ACACB: variants seen among roughly 807,000 people sequenced by gnomAD.
ACACB encodes the protein acetyl-CoA carboxylase beta.
Under a neutral mutation model 278.8 loss-of-function variants are expected in ACACB, and 209 were observed. The ratio of observed to expected loss-of-function variants is 0.75; its 90% CI spans 0.67 to 0.84. The LOEUF is 0.84. ACACB is among the 40% of genes least tolerant of loss of function. The pLI is 0.00. For synonymous variants in ACACB, 1,174 were observed against 1,285.6 expected, an observed-to-expected ratio of 0.91 and a Z score of 1.86; for missense variants, 2,850 against 3,269.0, an observed-to-expected ratio of 0.87 and a Z score of 3.13.
At chr12:109,252,395 T>C (rs1361777300) in intron 42 of ACACB, 4 of 361,274 alleles carry the variant, frequency 1.1e-5, no homozygotes, top group Non-Finnish European at 2.0e-5. Context: ...AAACAAATTA[T>C]TGAAGTGCCA....
At chr12:109,150,676 GC>G (rs1301350920) in intron 2 of ACACB, among the ~76,000 whole-genome samples, 1 of 152,130 alleles carries the variant, frequency 6.6e-6, no homozygotes, top group African/African-American at 2.4e-5. Flanking sequence ...ACCTGGCATC[GC>G]CCCCACTTTC....
intron 21 of ACACB, among the ~76,000 whole-genome samples, chr12:109,210,443 A>C (rs1041686987): frequency 2.5e-5 from 3 of 119,690 alleles, no homozygotes; most frequent in Non-Finnish European, 5.1e-5. Flanking sequence ...ACGCACATAC[A>C]TGTGTATATA....
chr12:109,249,034 A>G (rs1014919202), intron 40 of ACACB: 2 of 152,224 alleles, frequency 1.3e-5, no homozygotes, highest in Non-Finnish European at 2.9e-5. Context: ...ATAAACCAAA[A>G]AGTATCTGAG....
chr12:109,198,576 G>A (rs1373162603), intron 17 of ACACB, among the ~76,000 whole-genome samples: 1 of 152,016 alleles, frequency 6.6e-6, no homozygotes, highest in Non-Finnish European at 1.5e-5. Context: ...TGTGCCTGTA[G>A]TCCCAGCAAT....
At chr12:109,215,278 G>GT (rs530444723) in intron 22 of ACACB, among the ~76,000 whole-genome samples, 261 of 146,830 alleles carry the variant, frequency 1.8e-3, no homozygotes, top group East Asian at 3.7e-3. Flanking sequence ...AATCTATGAA[G>GT]TTTTTTTTTT....
At chr12:109,157,421 G>A (rs1394095314) in intron 2 of ACACB, among the ~76,000 whole-genome samples, 13 of 152,096 alleles carry the variant, frequency 8.5e-5, no homozygotes, top group Admixed American at 5.2e-4. Context: ...ACAGGCATGC[G>A]CCACCACACC....
rs2045161390 is a variant in ACACB at position 109,197,090 on chromosome 12, G to A, written c.2564G>A (p.Gly855Glu). 1 of 1,601,452 alleles carries A rather than the reference G, an allele frequency of 6.2e-7. No homozygotes were observed. Among genetic ancestry groups the A allele is most frequent in the African/African-American group, 1.4e-5 (1 of 74,044 alleles). The change falls in exon 17 of 53, where the codon GGG (glycine) becomes GAG (glutamate). Residue 855 changes from glycine (G) to glutamate (E), a missense_variant. Gly to Glu is a moderately conservative substitution (Grantham distance 98). Around this residue, in one of 3 missense-constraint regions of ACACB, gnomAD observed 2,265 missense variants for 2,561.3 expected, o/e 0.88. Coordinates refer to ENST00000338432, the MANE Select transcript of ACACB (RefSeq NM_001093.4). ...ATTGATGCCCACCGGCTGAATGATG[G>A]GGGGCTCCTGCTCTCCTACAATGGG... is the stretch of plus-strand genomic sequence containing the variant. The part of the protein sequence containing the change: ...IEIDAHRLND[G>E]GLLLSYNGNS...
chr12:109,176,023 G>A lies in ACACB; in HGVS notation c.1309G>A (p.Val437Ile), dbSNP rs201786970. 8 of 1,614,200 alleles carry A rather than the reference G, an allele frequency of 5.0e-6. No individual in the cohort carries two copies. The highest frequency in any genetic ancestry group is 2.7e-5 in the African/African-American group (2 of 75,058). ...DVYDKGCVKD[V>I]DEGLEAAERI... Reference sequence around the variant, plus strand: ...TTATGACAAGGGTTGCGTGAAAGACGTAGATGAGGGCTTGGAGGTAAATGC... The same window carrying A: ...TTATGACAAGGGTTGCGTGAAAGACATAGATGAGGGCTTGGAGGTAAATGC... Residue 437 changes from valine to isoleucine, a missense_variant, in exon 8 of 53, where the codon GTA (valine) becomes ATA (isoleucine). Physicochemically the swap from Val to Ile is conservative, Grantham distance 29. This residue lies in a region of ACACB where 2,265 missense variants were observed against 2,561.3 expected (regional missense o/e 0.88). Coordinates refer to ENST00000338432, the MANE Select transcript of ACACB (RefSeq NM_001093.4).
At chr12:109,195,506 C>A (rs1222938168) in intron 16 of ACACB, among the ~76,000 whole-genome samples, 1 of 152,076 alleles carries the variant, frequency 6.6e-6, no homozygotes, top group Admixed American at 6.5e-5. Context: ...CACATATGCA[C>A]AATGTAGAAA....
In ACACB at chr12:109,139,970, C is replaced by G; in HGVS notation, c.565C>G (p.Arg189Gly). The G allele has an allele frequency of 6.2e-7, 1 of 1,613,934 alleles. No homozygotes were observed. Among genetic ancestry groups the G allele is most frequent in the Non-Finnish European group, 8.5e-7 (1 of 1,180,038 alleles). ...TGCTGGCTCATCTCGTGAGTCTACC[C>G]GGAAGGGCAGCCGGGCCAGCTTGGG... Reference protein sequence around the residue: ...SVAGSSRESTRKGSRASLGAL... With the variant: ...SVAGSSRESTGKGSRASLGAL... Residue 189 changes from arginine to glycine, a missense_variant, in exon 2 of 53, where the codon CGG (arginine) becomes GGG (glycine). Physicochemically the swap from Arg to Gly is moderately radical, Grantham distance 125. Coordinates refer to ENST00000338432, the MANE Select transcript of ACACB (RefSeq NM_001093.4).
chr12:109,212,740 C>A, intron 21 of ACACB, 96 bp from the exon 22 acceptor site: 1 of 988,798 alleles, frequency 1.0e-6, no homozygotes, highest in Non-Finnish European at 1.6e-6. Context: ...CGGACCAGTG[C>A]TCGTTTGGGT....
At chr12:109,193,852 C>A in intron 16 of ACACB, 123 bp downstream of exon 16, 1 of 808,122 alleles carries the variant, frequency 1.2e-6, no homozygotes. Flanking sequence ...TTGTGTTCCT[C>A]GGGAATCCCC....
intron 40 of ACACB, 126 bp from the exon 41 acceptor site, chr12:109,249,858 C>T (rs2047047040): frequency 2.3e-6 from 3 of 1,291,830 alleles, no homozygotes; most frequent in African/African-American, 3.0e-5. Flanking sequence ...TTCATTTTGC[C>T]TCTGGATGCT....
At chr12:109,183,005 T>C (rs1371233625) in intron 11 of ACACB, among the ~76,000 whole-genome samples, 1 of 152,204 alleles carries the variant, frequency 6.6e-6, no homozygotes, top group Admixed American at 6.5e-5. Context: ...TGCATATGGA[T>C]ATCCAGTTTT....
intron 22 of ACACB, among the ~76,000 whole-genome samples, chr12:109,213,730 T>C (rs1937878579): frequency 6.6e-6 from 1 of 152,062 alleles, no homozygotes; most frequent in African/African-American, 2.4e-5. Context: ...CCCGAGTAGC[T>C]GGAACTACGG....
intron 21 of ACACB, among the ~76,000 whole-genome samples, chr12:109,210,465 G>A (rs1263956245): frequency 1.3e-4 from 18 of 140,200 alleles, no homozygotes; most frequent in South Asian, 4.6e-4. Context: ...GTATATATAC[G>A]CACATACATG....
At chr12:109,260,409 A>G (rs901798245) in intron 47 of ACACB, 71 bp from the exon 48 acceptor site, 1 of 1,586,484 alleles carries the variant, frequency 6.3e-7, no homozygotes. Flanking sequence ...GACCCCCAGG[A>G]CAACTAGGGC....
chr12:109,143,699 T>G (rs2043174737), intron 2 of ACACB, among the ~76,000 whole-genome samples: 1 of 152,118 alleles, frequency 6.6e-6, no homozygotes, highest in African/African-American at 2.4e-5. Context: ...ATCAGGGGCT[T>G]CTGACAGAGA....
intron 37 of ACACB, 22 bp downstream of exon 37, chr12:109,242,614 C>T (rs372900554): frequency 1.2e-5 from 20 of 1,613,080 alleles, no homozygotes; most frequent in Admixed American, 3.3e-5. Context: ...GGCTCAGACG[C>T]GGTACCCCCT....
Sources: gnomAD v4.1 joint callset for allele counts (sites outside exome capture counted in the v4.1 genomes callset) on GRCh38, gnomAD v4.1.1 for gene constraint, gnomAD v4.1.1 regional missense constraint, MANE v1.5 for transcripts, NCBI Gene and HGNC (gene_info 2026-07-23, HGNC 2026-07-21) for gene names.